Variants in MYO3B observed in about 807,000 individuals in gnomAD.
The protein encoded by MYO3B is myosin IIIB.
Under a neutral mutation model 174.6 loss-of-function variants are expected in MYO3B, and 156 were observed. That is an observed-to-expected ratio of 0.89 (90% CI 0.78 to 1.02). The LOEUF is 1.02. Ranked by LOEUF, MYO3B falls within the 50% of genes least tolerant of loss-of-function variation. The pLI is 0.00. For synonymous variants in MYO3B, 563 were observed against 569.1 expected (o/e 0.99, Z 0.15); for missense variants, 1,632 against 1,639.4 (o/e 1.00, Z 0.08).
At chr2:170,301,973 A>G (rs566243271) in intron 7 of MYO3B, among the ~76,000 whole-genome samples, 4 of 141,140 alleles carry the variant, frequency 2.8e-5, no homozygotes, top group African/African-American at 1.1e-4. Context: ...TTAAAGCCTT[A>G]TTGGAAAATT....
intron 32 of MYO3B, among the ~76,000 whole-genome samples, chr2:170,555,334 C>T (rs1691210508): frequency 1.3e-5 from 2 of 152,134 alleles, no homozygotes; most frequent in Non-Finnish European, 1.5e-5. Context: ...TGAGCTTTGA[C>T]AAATGCGTAA....
At chr2:170,478,739 T>G (rs928292748) in intron 25 of MYO3B, among the ~76,000 whole-genome samples, 3 of 150,776 alleles carry the variant, frequency 2.0e-5, no homozygotes, top group Admixed American at 2.0e-4. Flanking sequence ...CCAGCTAATT[T>G]TTTGTATTTT....
chr2:170,392,572 T>C (rs531656654), intron 16 of MYO3B, 77 bp downstream of exon 16: 13 of 973,766 alleles, frequency 1.3e-5, no homozygotes, highest in African/African-American at 3.3e-5. Flanking sequence ...TATTTCTCAC[T>C]TGGGATAAGA....
chr2:170,480,039 G>GTATA (rs1382182536), intron 25 of MYO3B, among the ~76,000 whole-genome samples: 1 of 115,878 alleles, frequency 8.6e-6, no homozygotes, highest in Non-Finnish European at 1.9e-5. Context: ...ATGTGTGTGT[G>GTATA]TGTATATATA....
intron 7 of MYO3B, among the ~76,000 whole-genome samples, chr2:170,325,856 C>G (rs2355723): frequency 0.28 from 42,092 of 152,036 alleles, 6,337 homozygotes; most frequent in South Asian, 0.38. Context: ...CAGATGAAAG[C>G]TACATTCTCC....
chr2:170,258,021 A>C (rs530267520), intron 7 of MYO3B, among the ~76,000 whole-genome samples: 1 of 152,192 alleles, frequency 6.6e-6, no homozygotes, highest in African/African-American at 2.4e-5. Context: ...ATCAGAAATT[A>C]ATTGAAACCC....
At chr2:170,539,068 A>C (rs12477054) in intron 30 of MYO3B, among the ~76,000 whole-genome samples, 27,389 of 152,176 alleles carry the variant, frequency 0.18, 2,623 homozygotes, top group South Asian at 0.27. Context: ...TCCTTTGCAC[A>C]TGTTTATCCA....
intron 1 of MYO3B, among the ~76,000 whole-genome samples, chr2:170,181,723 A>T (rs1167092413): frequency 6.6e-6 from 1 of 152,162 alleles, no homozygotes; most frequent in Non-Finnish European, 1.5e-5. Flanking sequence ...TGTTCTGTTA[A>T]TATAAATCTA....
chr2:170,481,386 A>T (rs1454560916), intron 25 of MYO3B, among the ~76,000 whole-genome samples: 1 of 152,094 alleles, frequency 6.6e-6, no homozygotes, highest in East Asian at 1.9e-4. Context: ...GTCATTCGAG[A>T]CCTGCCTTGG....
intron 7 of MYO3B, among the ~76,000 whole-genome samples, chr2:170,275,083 T>C (rs1333089460): frequency 6.6e-6 from 1 of 152,208 alleles, no homozygotes; most frequent in Non-Finnish European, 1.5e-5. Flanking sequence ...AATAAGCCCG[T>C]ATTTCTGAGC....
At chr2:170,360,947 A>G (rs1422146270) in intron 8 of MYO3B, among the ~76,000 whole-genome samples, 1 of 152,202 alleles carries the variant, frequency 6.6e-6, no homozygotes, top group Non-Finnish European at 1.5e-5. Context: ...TTCTTTATAA[A>G]TTACCCAGTC....
chr2:170,427,327 A>G (rs1375429092), intron 22 of MYO3B, among the ~76,000 whole-genome samples: 1 of 152,202 alleles, frequency 6.6e-6, no homozygotes, highest in Non-Finnish European at 1.5e-5. Context: ...TTTAATTTAG[A>G]AAGTCTTTTT....
intron 8 of MYO3B, among the ~76,000 whole-genome samples, chr2:170,342,874 TTACCCTTTGCATTTGGTC>T: frequency 6.6e-6 from 1 of 152,122 alleles, no homozygotes; most frequent in Non-Finnish European, 1.5e-5. Context: ...GTTATTTTTA[TTACCCTTTGCATTTGGTC>T]TGTGCTGCTA....
At chr2:170,478,573 G>GCT (rs1685462299) in intron 25 of MYO3B, among the ~76,000 whole-genome samples, 1 of 126,462 alleles carries the variant, frequency 7.9e-6, no homozygotes, top group Non-Finnish European at 1.6e-5. Context: ...GTTTTTTTGT[G>GCT]TTTTTTTTTT....
chr2:170,634,923 C>A (rs1697334783), intron 32 of MYO3B, among the ~76,000 whole-genome samples: 1 of 152,038 alleles, frequency 6.6e-6, no homozygotes, highest in East Asian at 1.9e-4. Context: ...GAGATACCAT[C>A]TCACACCAGT....
At chr2:170,214,596 C>A in intron 4 of MYO3B, 113 bp downstream of exon 4, 2 of 1,315,316 alleles carry the variant, frequency 1.5e-6, no homozygotes, top group Non-Finnish European at 2.2e-6. Context: ...GCAAGGATTA[C>A]TAACAGCAGG....
intron 32 of MYO3B, among the ~76,000 whole-genome samples, chr2:170,594,302 T>TA (rs996258936): frequency 1.3e-4 from 19 of 151,554 alleles, no homozygotes; most frequent in African/African-American, 4.1e-4. Flanking sequence ...TGTACGAAGT[T>TA]AAAAAAAAGT....
At chr2:170,407,865 A>C (rs1186326126) in intron 22 of MYO3B, 21 bp downstream of exon 22, 2 of 1,613,350 alleles carry the variant, frequency 1.2e-6, no homozygotes, top group African/African-American at 1.3e-5. Flanking sequence ...ACCCTCTGAT[A>C]GCCCTGCTCT....
At chr2:170,622,573 A>AT (rs150805087) in intron 32 of MYO3B, among the ~76,000 whole-genome samples, 10 of 151,302 alleles carry the variant, frequency 6.6e-5, no homozygotes, top group South Asian at 6.3e-4. Context: ...TATAATATAC[A>AT]TTTTTTTTTA....
Sources: allele counts gnomAD v4.1 joint callset (sites outside exome capture counted in the v4.1 genomes callset), GRCh38; gene constraint gnomAD v4.1.1; transcripts MANE v1.5; gene names NCBI Gene and HGNC (gene_info 2026-07-23, HGNC 2026-07-21).